PBX1: variants seen among roughly 807,000 people sequenced by gnomAD.
The protein encoded by PBX1 is PBX homeobox 1.
Under a neutral mutation model 53.4 loss-of-function variants are expected in PBX1, and 6 were observed. The observed-to-expected ratio is 0.11, with a 90% CI of 0.06 to 0.22. The LOEUF (loss-of-function observed/expected upper bound fraction) is 0.22. Ranked by LOEUF, PBX1 falls within the 10% of genes least tolerant of loss-of-function variation. PBX1 has a pLI of 1.00. For synonymous variants in PBX1, 204 were observed against 212.3 expected (o/e 0.96, Z 0.34); for missense variants, 251 against 551.4 (o/e 0.46, Z 5.46).
chr1:164,584,381 G>A (rs951389858), intron 2 of PBX1, among the ~76,000 whole-genome samples: 14 of 151,782 alleles, frequency 9.2e-5, no homozygotes, highest in Admixed American at 2.6e-4. Context: ...GAGAGAGAGA[G>A]AGATCTAAAA....
intron 2 of PBX1, among the ~76,000 whole-genome samples, chr1:164,639,278 G>A (rs1305386988): frequency 6.6e-6 from 1 of 152,208 alleles, no homozygotes; most frequent in Non-Finnish European, 1.5e-5. Context: ...CAGCTACCTT[G>A]TTGATTCCAA....
chr1:164,737,771 A>C (rs1571314093), intron 2 of PBX1, among the ~76,000 whole-genome samples: 1 of 152,182 alleles, frequency 6.6e-6, no homozygotes, highest in Admixed American at 6.5e-5. Flanking sequence ...GAGCCACTGT[A>C]CCTGGCCTGA....
rs931439780 is a variant in PBX1, at chr1:164,559,362, A to G, written c.-461A>G. ...GGGGCAGCGGGGGGTGGGGGGGGAA[A>G]GTTTGCATTGCAATCCCCCTGCCTT... On this transcript the variant is annotated 5_prime_UTR_variant, in exon 1 of 9. Coordinates refer to ENST00000420696, the MANE Select transcript of PBX1 (RefSeq NM_002585.4). The G allele has an allele frequency of 2.4e-5, 5 of 211,344 alleles. No individual in the cohort carries two copies. The highest frequency in any genetic ancestry group is 4.8e-5 in the Non-Finnish European group (5 of 104,568). The allele number at this position is 211,344 out of a possible 1,614,324, so 13.1% of individuals were successfully genotyped here.
At chr1:164,870,862 C>T (rs1192616420) in intron 2 of PBX1, among the ~76,000 whole-genome samples, 1 of 152,180 alleles carries the variant, frequency 6.6e-6, no homozygotes, top group African/African-American at 2.4e-5. Flanking sequence ...CATCACTCCC[C>T]ATCTCCTATT....
chr1:164,613,439 G>A (rs1346044536), intron 2 of PBX1, among the ~76,000 whole-genome samples: 1 of 152,064 alleles, frequency 6.6e-6, no homozygotes, highest in East Asian at 1.9e-4. Flanking sequence ...CACGCTACCT[G>A]GCAAACTGTT....
At chr1:164,567,264 G>A (rs1653499887) in intron 2 of PBX1, among the ~76,000 whole-genome samples, 1 of 152,130 alleles carries the variant, frequency 6.6e-6, no homozygotes, top group South Asian at 2.1e-4. Flanking sequence ...AATTCTGATG[G>A]TATTAGGCCT....
At chr1:164,728,334 G>C (rs540785348) in intron 2 of PBX1, among the ~76,000 whole-genome samples, 1 of 144,684 alleles carries the variant, frequency 6.9e-6, no homozygotes, top group African/African-American at 2.9e-5. Flanking sequence ...AAAAAAAAGA[G>C]AGAGAGAGAG....
At chr1:164,655,331 T>A (rs917071540) in intron 2 of PBX1, among the ~76,000 whole-genome samples, 3 of 152,152 alleles carry the variant, frequency 2.0e-5, no homozygotes, top group African/African-American at 7.2e-5. Flanking sequence ...CAGACTGGTC[T>A]GGAACTCTCG....
intron 2 of PBX1, among the ~76,000 whole-genome samples, chr1:164,633,299 G>A (rs1432978023): frequency 2.0e-5 from 3 of 151,920 alleles, no homozygotes; most frequent in East Asian, 1.9e-4. Flanking sequence ...ACAGGTGTGC[G>A]TCACCATGCC....
chr1:164,624,570 T>C (rs1322017824), intron 2 of PBX1, among the ~76,000 whole-genome samples: 1 of 152,188 alleles, frequency 6.6e-6, no homozygotes, highest in East Asian at 1.9e-4. Flanking sequence ...GTTTAGTAAA[T>C]TCATGCACAT....
chr1:164,597,954 T>C (rs1655883799), intron 2 of PBX1, among the ~76,000 whole-genome samples: 1 of 152,156 alleles, frequency 6.6e-6, no homozygotes, highest in Non-Finnish European at 1.5e-5. Context: ...TACCACAGAC[T>C]GGGGAATTCA....
intron 2 of PBX1, among the ~76,000 whole-genome samples, chr1:164,710,510 C>G (rs907473994): frequency 5.3e-5 from 8 of 152,040 alleles, no homozygotes; most frequent in African/African-American, 1.9e-4. Context: ...CTCCTGGGTT[C>G]AAGCGATTCT....
At chr1:164,633,156 T>TC (rs1658518821) in intron 2 of PBX1, among the ~76,000 whole-genome samples, 1 of 142,320 alleles carries the variant, frequency 7.0e-6, no homozygotes, top group Admixed American at 6.8e-5. Flanking sequence ...TTTCTTTTCT[T>TC]TTTTTTTTTT....
chr1:164,603,928 CATTTTTTTT>C (rs1432626920), intron 2 of PBX1, among the ~76,000 whole-genome samples: 20 of 48,766 alleles, frequency 4.1e-4, no homozygotes, highest in Admixed American at 8.5e-4. Flanking sequence ...TATGTCATTT[CATTTTTTTT>C]TTTTTTTTTT....
intron 2 of PBX1, among the ~76,000 whole-genome samples, chr1:164,704,066 A>G (rs1311984926): frequency 2.6e-5 from 4 of 152,200 alleles, no homozygotes; most frequent in Non-Finnish European, 5.9e-5. Context: ...CTTGTCAGAA[A>G]TAATTTATTC....
intron 2 of PBX1, among the ~76,000 whole-genome samples, chr1:164,690,120 A>G (rs1393617118): frequency 6.6e-6 from 1 of 152,170 alleles, no homozygotes; most frequent in African/African-American, 2.4e-5. Context: ...TTCTGATTAC[A>G]TGCATCCTGA....
intron 4 of PBX1, among the ~76,000 whole-genome samples, chr1:164,804,803 TTGAA>T (rs936065889): frequency 2.7e-4 from 41 of 152,266 alleles, no homozygotes; most frequent in Admixed American, 2.4e-3. Flanking sequence ...ACTCCAATCT[TTGAA>T]TGAATGAATG....
chr1:164,629,475 G>A (rs1316113280), intron 2 of PBX1, among the ~76,000 whole-genome samples: 4 of 152,012 alleles, frequency 2.6e-5, no homozygotes, highest in African/African-American at 9.7e-5. Flanking sequence ...TGGAATATTA[G>A]TCCTAAAAGG....
rs192499562 is a variant in PBX1 at position 164,576,163 on chromosome 1, C to T, written c.265+12852C>T. On this transcript the variant is annotated intron_variant, in intron 2 of 8. Coordinates refer to ENST00000420696, the MANE Select transcript of PBX1 (RefSeq NM_002585.4). ...AACAGTGGAGAAGCCCGGTGGCGAGCCACATGGCCTTGTGCTAAGACGAGA... is the reference window on the plus strand; with the variant it reads ...AACAGTGGAGAAGCCCGGTGGCGAGTCACATGGCCTTGTGCTAAGACGAGA... Among the ~76,000 whole-genome samples the T allele has an allele frequency of 2.7e-3, 406 of 152,294 alleles. 1 individual carries two copies. The highest frequency in any genetic ancestry group is 9.3e-3 in the African/African-American group (388 of 41,572).
Sources: allele counts gnomAD v4.1 joint callset (sites outside exome capture counted in the v4.1 genomes callset), GRCh38; gene constraint gnomAD v4.1.1; transcripts MANE v1.5; gene names NCBI Gene and HGNC (gene_info 2026-07-23, HGNC 2026-07-21).